BMP2K: variants seen among roughly 807,000 people sequenced by gnomAD.
The protein encoded by BMP2K is BMP-2-inducible protein kinase.
BMP2K carries 74 observed loss-of-function variants against 116.0 expected under a neutral mutation model. The ratio of observed to expected loss-of-function variants is 0.64; its 90% confidence interval spans 0.53 to 0.77. BMP2K has a LOEUF of 0.77. Ranked by LOEUF, BMP2K falls within the 30% of genes least tolerant of loss-of-function variation. The pLI, the probability that BMP2K is intolerant of heterozygous loss-of-function variation, is 0.00. For missense variants in BMP2K, 1,365 were observed against 1,403.6 expected (o/e 0.97, Z 0.44); for synonymous variants, 486 against 502.5 (o/e 0.97, Z 0.44).
intron 1 of BMP2K, among the ~76,000 whole-genome samples, chr4:78,824,933 G>C (rs570559096): frequency 6.6e-6 from 1 of 152,294 alleles, no homozygotes; most frequent in African/African-American, 2.4e-5. Context: ...CAGGCACTGT[G>C]GCTCACACCT....
chr4:78,836,146 C>T (rs531204370), intron 3 of BMP2K, among the ~76,000 whole-genome samples: 13 of 152,010 alleles, frequency 8.6e-5, no homozygotes, highest in East Asian at 3.9e-4. Flanking sequence ...GGCTGGGCGC[C>T]GTGGCTCACA....
intron 1 of BMP2K, among the ~76,000 whole-genome samples, chr4:78,791,443 C>A (rs1354136342): frequency 6.6e-6 from 1 of 150,916 alleles, no homozygotes; most frequent in South Asian, 2.1e-4. Context: ...CTTTTTTTTT[C>A]TTTTTTGCAA....
At chr4:78,889,291 T>A (rs1733295493) in intron 15 of BMP2K, among the ~76,000 whole-genome samples, 1 of 150,980 alleles carries the variant, frequency 6.6e-6, no homozygotes, top group African/African-American at 2.4e-5. Context: ...TTAAACAGTG[T>A]GAACATAAAT....
intron 2 of BMP2K, among the ~76,000 whole-genome samples, chr4:78,829,056 G>A (rs1221102835): frequency 6.6e-6 from 1 of 152,164 alleles, no homozygotes; most frequent in Non-Finnish European, 1.5e-5. Flanking sequence ...TGGGACACTG[G>A]GTATAAGTGG....
rs1488339982 is a variant in BMP2K at position 78,909,272 on chromosome 4, G to A, written c.2063-1338G>A. Among the ~76,000 whole-genome samples, 3 of 151,702 alleles carry A rather than the reference G, an allele frequency of 2.0e-5. No homozygotes were observed. In the East Asian group the frequency reaches 5.8e-4, roughly 29 times the overall value. ...AGGCTGGTCTCAAACTCCTGACCTC[G>A]TGATCCACCCGCCTTGGCCTCCCAA... On this transcript the variant is annotated intron_variant, in intron 15 of 15. Coordinates refer to ENST00000502613, the MANE Select transcript of BMP2K (RefSeq NM_198892.2).
intron 15 of BMP2K, among the ~76,000 whole-genome samples, chr4:78,909,449 A>C (rs1362908944): frequency 6.6e-6 from 1 of 152,190 alleles, no homozygotes. Context: ...ATGTATAATG[A>C]AATATACGCT....
chr4:78,911,178 A>G lies in BMP2K; in HGVS notation c.2631A>G (p.Glu877=). ...AACAGCCCCAGCAAGAAAAGAATGA[A>G]AAGAACCTCCCTCAACACAGGTTTC... The part of the protein sequence containing the change: ...RAQQPQQEKN[E]KNLPQHRFPA... Residue 877 remains glutamate, a synonymous_variant, in exon 16 of 16, where the codon GAA becomes GAG. Coordinates refer to ENST00000502613, the MANE Select transcript of BMP2K (RefSeq NM_198892.2). The G allele has an allele frequency of 6.2e-7, 1 of 1,613,772 alleles. No individual in the cohort carries two copies. The highest frequency in any genetic ancestry group is 8.5e-7 in the Non-Finnish European group (1 of 1,179,810).
intron 15 of BMP2K, among the ~76,000 whole-genome samples, chr4:78,894,290 C>G (rs1409469054): frequency 2.6e-5 from 4 of 152,304 alleles, no homozygotes; most frequent in Middle Eastern, 3.4e-3. Flanking sequence ...AACTATAGCT[C>G]TAAAAGTCCT....
chr4:78,870,866 C>A lies in BMP2K; in HGVS notation c.1315C>A (p.Gln439Lys). 2 of 1,614,024 alleles carry A rather than the reference C, an allele frequency of 1.2e-6. No homozygotes were observed. The highest frequency in any genetic ancestry group is 1.7e-6 in the Non-Finnish European group (2 of 1,180,014). ...QQPPQQHRVL[Q>K]QLQQGDWRLQ... is the part of the protein sequence containing the mutation. ...GCCGCCACAGCAGCATAGAGTACTC[C>A]AGCAACTACAGCAGGGAGATTGGAG... Residue 439 changes from glutamine to lysine, a missense_variant, in exon 11 of 16, where the codon CAG becomes AAG. By Grantham distance (53) the Gln-to-Lys change is moderately conservative. Transcript: ENST00000502613.
At chr4:78,883,724 TCA>T (rs923434484) in intron 14 of BMP2K, among the ~76,000 whole-genome samples, 59 of 152,172 alleles carry the variant, frequency 3.9e-4, no homozygotes, top group African/African-American at 1.3e-3. Context: ...AGTGATAACT[TCA>T]CAGTTTTATA....
At position 78,870,785 on chromosome 4, in the gene BMP2K, G is replaced by A. The variant is rs201291536; in HGVS notation, c.1234G>A (p.Ala412Thr). The change falls in exon 11 of 16, where the codon GCA becomes ACA. Residue 412 changes from alanine (A) to threonine (T), a missense_variant and splice_region_variant. Around this residue, in one of 3 missense-constraint regions of BMP2K, gnomAD observed 762 missense variants for 756.7 expected, o/e 1.01. Transcript: ENST00000502613. ...GEFGNHRPKG[A>T]LRPGNGPEIL... ...TAAGTGTTTGGACCTGTCTTTAGGG[G>A]CACTAAGACCTGGAAATGGCCCTGA... The A allele has an allele frequency of 7.3e-5, 117 of 1,613,030 alleles. No homozygotes were observed. In the East Asian group the frequency reaches 2.5e-3, roughly 34 times the overall value.
chr4:78,782,873 T>A (rs571768734), intron 1 of BMP2K, among the ~76,000 whole-genome samples: 1 of 152,312 alleles, frequency 6.6e-6, no homozygotes, highest in Admixed American at 6.5e-5. Flanking sequence ...CAGTAGTACT[T>A]ACTCAGCACC....
intron 10 of BMP2K, among the ~76,000 whole-genome samples, chr4:78,867,301 G>T (rs1015937409): frequency 1.3e-5 from 2 of 152,122 alleles, no homozygotes; most frequent in African/African-American, 4.8e-5. Flanking sequence ...GCATTTTTGG[G>T]GTTTGGACAA....
chr4:78,797,305 G>C (rs35901741), intron 1 of BMP2K, among the ~76,000 whole-genome samples: 2,171 of 152,120 alleles, frequency 0.014, 25 homozygotes, highest in Admixed American at 0.028. Flanking sequence ...CTAAAAGAAA[G>C]GAAAAAAACT....
At chr4:78,801,609 T>C (rs1728571743) in intron 1 of BMP2K, among the ~76,000 whole-genome samples, 2 of 152,312 alleles carry the variant, frequency 1.3e-5, no homozygotes, top group South Asian at 4.1e-4. Flanking sequence ...ATTCTTTTTC[T>C]TGCTTTGTTT....
chr4:78,838,167 C>T (rs10007778), intron 3 of BMP2K, among the ~76,000 whole-genome samples: 115 of 152,204 alleles, frequency 7.6e-4, no homozygotes, highest in African/African-American at 2.6e-3. Context: ...AGGGTAATGT[C>T]CCTTTTACAT....
chr4:78,911,478 A>T lies in BMP2K; in HGVS notation c.2931A>T (p.Lys977Asn). 6.2e-7 allele frequency: 1 copy of T among 1,614,020 alleles called. No homozygotes were observed. Among genetic ancestry groups the T allele is most frequent in the Non-Finnish European group, 8.5e-7 (1 of 1,179,898 alleles). ...AAGTCAAACAGCGCAGCTTACAGAAACTGTCCTCTCGCCAAAGGCGCACAA... is the reference window on the plus strand; with the variant it reads ...AAGTCAAACAGCGCAGCTTACAGAATCTGTCCTCTCGCCAAAGGCGCACAA... ...QQKVKQRSLQ[K>N]LSSRQRRTKQ... Residue 977 changes from lysine (K) to asparagine (N), a missense_variant, in exon 16 of 16, where the codon AAA (lysine) becomes AAT (asparagine). Physicochemically the swap from Lys to Asn is moderately conservative, Grantham distance 94. Around this residue, in one of 3 missense-constraint regions of BMP2K, gnomAD observed 596 missense variants for 623.2 expected, o/e 0.96. Coordinates refer to ENST00000502613, the MANE Select transcript of BMP2K (RefSeq NM_198892.2).
At chr4:78,881,432 T>TAA (rs1331184340) in intron 14 of BMP2K, among the ~76,000 whole-genome samples, 6 of 152,162 alleles carry the variant, frequency 3.9e-5, no homozygotes, top group African/African-American at 1.2e-4. Flanking sequence ...TTGATACTCA[T>TAA]TGTTCAGTGA....
At chr4:78,809,021 T>G (rs1326293555) in intron 1 of BMP2K, among the ~76,000 whole-genome samples, 3 of 152,216 alleles carry the variant, frequency 2.0e-5, no homozygotes, top group Non-Finnish European at 4.4e-5. Flanking sequence ...TCTGTCTCCT[T>G]GTTCCATTCA....
Sources: allele counts gnomAD v4.1 joint callset (sites outside exome capture counted in the v4.1 genomes callset), GRCh38; gene constraint gnomAD v4.1.1; regional missense constraint gnomAD v4.1.1; transcripts MANE v1.5; gene names NCBI Gene and HGNC (gene_info 2026-07-23, HGNC 2026-07-21).